Variants in WWOX observed in about 807,000 individuals in gnomAD.
WWOX encodes the protein WW domain containing oxidoreductase.
A neutral mutation model predicts 46.2 loss-of-function variants in WWOX; 69 were observed. The ratio of observed to expected loss-of-function variants is 1.49; its 90% CI spans 1.23 to 1.82. The LOEUF is 1.82. WWOX is among the 40% of genes most tolerant of loss of function. WWOX has a pLI of 0.00. For synonymous variants in WWOX, 359 were observed against 202.6 expected, an observed-to-expected ratio of 1.77 and a Z score of -6.56; for missense variants, 919 against 542.6, an observed-to-expected ratio of 1.69 and a Z score of -6.89.
intron 8 of WWOX, among the ~76,000 whole-genome samples, chr16:79,064,224 G>A (rs768123449): frequency 1.3e-5 from 2 of 152,154 alleles, no homozygotes; most frequent in African/African-American, 2.4e-5. Context: ...TGACATATAC[G>A]AAGTGTTGTA....
Position 78,099,820 on chromosome 16 carries a change from T to C in WWOX, c.42T>C (p.Ser14=). ...ACGCGGGGCTGGACGACACGGACAG[T>C]GAGGACGAGCTGCCTCCGGGCTGGG... The part of the protein sequence containing the change: ...LRYAGLDDTD[S]EDELPPGWEE... Residue 14 remains serine, a synonymous_variant, in exon 1 of 9, where the codon AGT becomes AGC. Coordinates refer to ENST00000566780, the MANE Select transcript of WWOX (RefSeq NM_016373.4). 10 of 1,579,322 alleles carry C rather than the reference T, an allele frequency of 6.3e-6. No homozygotes were observed. The highest frequency in any genetic ancestry group is 8.6e-6 in the Non-Finnish European group (10 of 1,163,834).
At chr16:78,847,907 T>C (rs1463204497) in intron 8 of WWOX, among the ~76,000 whole-genome samples, 1 of 152,198 alleles carries the variant, frequency 6.6e-6, no homozygotes, top group Non-Finnish European at 1.5e-5. Flanking sequence ...GGACTTTCTG[T>C]TTCGTTGCTT....
intron 8 of WWOX, chr16:78,996,183 A>G (rs2046983959): frequency 1.8e-5 from 18 of 980,968 alleles, no homozygotes; most frequent in Non-Finnish European, 2.2e-5. Flanking sequence ...CATCTTCTTT[A>G]AATAAAATCT....
intron 8 of WWOX, among the ~76,000 whole-genome samples, chr16:78,869,314 G>C (rs1504886): frequency 0.17 from 25,640 of 152,086 alleles, 2,803 homozygotes; most frequent in African/African-American, 0.31. Context: ...AGAGTTGGTT[G>C]TGATTATCTT....
intron 5 of WWOX, among the ~76,000 whole-genome samples, chr16:78,369,037 C>A (rs1455728184): frequency 1.6e-4 from 25 of 152,026 alleles, no homozygotes; most frequent in Admixed American, 1.6e-3. Flanking sequence ...CTCAACTCTT[C>A]CTTCCTCTAT....
intron 8 of WWOX, among the ~76,000 whole-genome samples, chr16:78,797,070 C>T (rs1047012866): frequency 2.6e-5 from 4 of 152,022 alleles, no homozygotes; most frequent in Non-Finnish European, 5.9e-5. Flanking sequence ...AAGTGATCCA[C>T]CCACCTCAGC....
At chr16:78,238,215 A>T (rs962566549) in intron 5 of WWOX, 1 of 152,202 alleles carries the variant, frequency 6.6e-6, no homozygotes, top group African/African-American at 2.4e-5. Flanking sequence ...AATTTATTGT[A>T]TATTTATAGC....
At chr16:78,842,062 C>T (rs2052165932) in intron 8 of WWOX, among the ~76,000 whole-genome samples, 1 of 152,120 alleles carries the variant, frequency 6.6e-6, no homozygotes, top group African/African-American at 2.4e-5. Flanking sequence ...CCAGGAGGAT[C>T]TGAGCTGACT....
chr16:78,715,992 C>G (rs759800245), intron 8 of WWOX, among the ~76,000 whole-genome samples: 15 of 151,652 alleles, frequency 9.9e-5, no homozygotes, highest in Non-Finnish European at 1.5e-4. Context: ...GAGGTTTGAG[C>G]AAGAAATTAT....
chr16:78,847,991 G>A (rs56163368), intron 8 of WWOX, among the ~76,000 whole-genome samples: 2,958 of 152,198 alleles, frequency 0.019, 79 homozygotes, highest in African/African-American at 0.064. Context: ...AAGGGAGAGT[G>A]GTTGCCCCAG....
chr16:78,998,991 C>G (rs1184114943), intron 8 of WWOX, among the ~76,000 whole-genome samples: 1 of 152,184 alleles, frequency 6.6e-6, no homozygotes, highest in East Asian at 1.9e-4. Flanking sequence ...CCAGATGTAA[C>G]AGCGGAATAT....
intron 8 of WWOX, among the ~76,000 whole-genome samples, chr16:78,615,045 C>G (rs1050011424): frequency 1.3e-5 from 2 of 152,072 alleles, no homozygotes; most frequent in Admixed American, 6.6e-5. Flanking sequence ...AATGCATTGT[C>G]AATTCAGAAA....
intron 5 of WWOX, among the ~76,000 whole-genome samples, chr16:78,164,956 A>G (rs961435706): frequency 6.6e-6 from 1 of 152,208 alleles, no homozygotes; most frequent in Non-Finnish European, 1.5e-5. Context: ...TGAGACCTGA[A>G]TGAAGTAGGG....
At chr16:78,706,501 C>G (rs894355583) in intron 8 of WWOX, among the ~76,000 whole-genome samples, 2 of 152,174 alleles carry the variant, frequency 1.3e-5, no homozygotes, top group South Asian at 2.1e-4. Context: ...CTTTTTGAAG[C>G]TTTTCATTTC....
chr16:78,683,016 A>G (rs2047765925), intron 8 of WWOX, among the ~76,000 whole-genome samples: 1 of 152,158 alleles, frequency 6.6e-6, no homozygotes, highest in Admixed American at 6.5e-5. Flanking sequence ...ATGAATCTGT[A>G]GGCTGCTGTG....
intron 8 of WWOX, among the ~76,000 whole-genome samples, chr16:78,995,048 C>T (rs1048276859): frequency 1.3e-5 from 2 of 149,016 alleles, no homozygotes; most frequent in African/African-American, 5.0e-5. Flanking sequence ...AAAGGATTCC[C>T]AGTCCCCCTG....
chr16:78,485,401 G>A (rs2084607405), intron 8 of WWOX, among the ~76,000 whole-genome samples: 1 of 152,086 alleles, frequency 6.6e-6, no homozygotes, highest in Admixed American at 6.5e-5. Context: ...TTCTTTTGAG[G>A]TTGAAGATAT....
chr16:78,617,140 G>C (rs2550587), intron 8 of WWOX, among the ~76,000 whole-genome samples: 71,533 of 151,966 alleles, frequency 0.47, 17,807 homozygotes, highest in Middle Eastern at 0.59. Flanking sequence ...GGCCTGTTGT[G>C]GTGGCTCACG....
chr16:78,943,421 C>G (rs1163895510), intron 8 of WWOX, among the ~76,000 whole-genome samples: 8 of 152,126 alleles, frequency 5.3e-5, no homozygotes, highest in Non-Finnish European at 1.2e-4. Flanking sequence ...GATAACCCAT[C>G]CAGACCTGGA....
Sources: gnomAD v4.1 joint callset for allele counts (sites outside exome capture counted in the v4.1 genomes callset) on GRCh38, gnomAD v4.1.1 for gene constraint, MANE v1.5 for transcripts, NCBI Gene and HGNC (gene_info 2026-07-23, HGNC 2026-07-21) for gene names.